ATRNL1: variants seen among roughly 807,000 people sequenced by gnomAD.
ATRNL1 encodes the protein attractin-like protein 1.
In ATRNL1, 95 loss-of-function variants were observed where a neutral mutation model predicts 182.7. That is an observed-to-expected ratio of 0.52 (90% CI 0.44 to 0.62). The LOEUF (loss-of-function observed/expected upper bound fraction) is 0.62, where lower values mean the gene tolerates loss of function less well. Ranked by LOEUF, ATRNL1 falls within the 20% of genes least tolerant of loss-of-function variation. The probability of loss-of-function intolerance (pLI) is 0.00; values close to 1 mark genes in which losing one functional copy is unlikely to be tolerated. For missense variants in ATRNL1, 1,471 were observed against 1,679.5 expected (o/e 0.88, Z 2.17); for synonymous variants, 576 against 568.3 (o/e 1.01, Z -0.19).
chr10:115,487,726 T>C (rs1849092719), intron 24 of ATRNL1, among the ~76,000 whole-genome samples: 2 of 152,134 alleles, frequency 1.3e-5, no homozygotes, highest in Admixed American at 1.3e-4. Context: ...TTTATTTCTT[T>C]CTCTTGCCTG....
chr10:115,353,889 C>T (rs909134247), intron 19 of ATRNL1, among the ~76,000 whole-genome samples: 1 of 152,150 alleles, frequency 6.6e-6, no homozygotes, highest in Non-Finnish European at 1.5e-5. Flanking sequence ...CTCTAACTCC[C>T]TCCTACTTTT....
chr10:115,118,182 T>C (rs1554870530), intron 1 of ATRNL1, among the ~76,000 whole-genome samples: 1 of 152,210 alleles, frequency 6.6e-6, no homozygotes, highest in African/African-American at 2.4e-5. Context: ...TTTCCTTTGC[T>C]GTGCAGAAGT....
At chr10:115,578,403 A>T (rs1054390557) in intron 26 of ATRNL1, among the ~76,000 whole-genome samples, 1 of 151,646 alleles carries the variant, frequency 6.6e-6, no homozygotes, top group African/African-American at 2.4e-5. Context: ...TGCTGTTAGG[A>T]GGATTTTGAT....
intron 19 of ATRNL1, among the ~76,000 whole-genome samples, chr10:115,357,906 C>T (rs1554943243): frequency 6.6e-6 from 1 of 151,452 alleles, no homozygotes; most frequent in Non-Finnish European, 1.5e-5. Flanking sequence ...TCTCTCCATC[C>T]CTATCTTAGT....
intron 26 of ATRNL1, among the ~76,000 whole-genome samples, chr10:115,571,731 T>C (rs544803240): frequency 4.6e-5 from 7 of 152,292 alleles, no homozygotes; most frequent in African/African-American, 1.4e-4. Flanking sequence ...AATTTGCAGC[T>C]ATTACCTTTA....
intron 19 of ATRNL1, among the ~76,000 whole-genome samples, chr10:115,356,475 C>T (rs1384223058): frequency 6.6e-6 from 1 of 151,932 alleles, no homozygotes; most frequent in East Asian, 1.9e-4. Context: ...TTTTTGTTTT[C>T]ATAAAAGGAA....
At chr10:115,294,312 CCCA>C (rs1853070861) in intron 15 of ATRNL1, among the ~76,000 whole-genome samples, 1 of 152,142 alleles carries the variant, frequency 6.6e-6, no homozygotes, top group Non-Finnish European at 1.5e-5. Context: ...ATAGCAAGAT[CCCA>C]TCTCTGTTAA....
intron 18 of ATRNL1, among the ~76,000 whole-genome samples, chr10:115,317,794 G>A (rs1854377626): frequency 6.6e-6 from 1 of 151,990 alleles, no homozygotes; most frequent in Non-Finnish European, 1.5e-5. Context: ...GTAGTTTTTG[G>A]GCTGAAATGA....
At chr10:115,278,245 A>G (rs915635164) in intron 13 of ATRNL1, among the ~76,000 whole-genome samples, 2 of 152,186 alleles carry the variant, frequency 1.3e-5, no homozygotes, top group African/African-American at 4.8e-5. Context: ...AAATTATGTA[A>G]TTTGCACACT....
At chr10:115,384,262 A>G (rs1858204073) in intron 19 of ATRNL1, among the ~76,000 whole-genome samples, 1 of 152,028 alleles carries the variant, frequency 6.6e-6, no homozygotes, top group Admixed American at 6.6e-5. Context: ...ATGTTCTTTA[A>G]AAGTGCCCTT....
chr10:115,287,894 C>T (rs1244183843), intron 15 of ATRNL1, among the ~76,000 whole-genome samples: 2 of 150,458 alleles, frequency 1.3e-5, no homozygotes, highest in African/African-American at 4.9e-5. Flanking sequence ...TAGTACCTCT[C>T]CTCTACATTT....
intron 27 of ATRNL1, among the ~76,000 whole-genome samples, chr10:115,814,482 T>G (rs1158954680): frequency 6.6e-6 from 1 of 152,152 alleles, no homozygotes; most frequent in Admixed American, 6.5e-5. Flanking sequence ...AAGTTTAAAT[T>G]TTGAAAATAA....
chr10:115,372,951 C>A (rs545499658), intron 19 of ATRNL1, among the ~76,000 whole-genome samples: 1 of 152,064 alleles, frequency 6.6e-6, no homozygotes, highest in East Asian at 1.9e-4. Flanking sequence ...CAGTAGATCA[C>A]TTTGCGTAAT....
intron 17 of ATRNL1, among the ~76,000 whole-genome samples, chr10:115,311,677 T>C (rs1806006831): frequency 6.6e-6 from 1 of 152,194 alleles, no homozygotes; most frequent in African/African-American, 2.4e-5. Context: ...GATGACTTTC[T>C]GCTTTGATGA....
intron 11 of ATRNL1, among the ~76,000 whole-genome samples, chr10:115,266,260 T>C (rs1454870827): frequency 6.6e-6 from 1 of 151,760 alleles, no homozygotes; most frequent in Non-Finnish European, 1.5e-5. Context: ...AAAATCTTTT[T>C]GATTATTTTA....
chr10:115,870,266 A>T (rs1209327111), intron 28 of ATRNL1, among the ~76,000 whole-genome samples: 3 of 152,240 alleles, frequency 2.0e-5, no homozygotes, highest in African/African-American at 7.2e-5. Context: ...CAAGGCAGTC[A>T]GATTTTCCAA....
rs1026535111 is a variant in ATRNL1 at position 115,301,996 on chromosome 10, C to T, written c.2771C>T (p.Ser924Phe). The change falls in exon 17 of 29, where the codon TCT (serine) becomes TTT (phenylalanine). Residue 924 changes from serine (S) to phenylalanine (F), a missense_variant. Physicochemically the swap from Ser to Phe is radical, Grantham distance 155. This residue lies in a region of ATRNL1 where 1,031 missense variants were observed against 1,156.0 expected (regional missense o/e 0.89). Transcript: ENST00000355044. ...GTTGACTCTAATGCCTATATCATCTCTTTTCCATATGGACAATGTCTAGAG... is the reference window on the plus strand; with the variant it reads ...GTTGACTCTAATGCCTATATCATCTTTTTTCCATATGGACAATGTCTAGAG... The part of the protein sequence containing the change: ...RCVDSNAYII[S>F]FPYGQCLEWQ... 6.2e-7 allele frequency: 1 copy of T among 1,614,042 alleles called. No individual in the cohort carries two copies. Among genetic ancestry groups the T allele is most frequent in the African/African-American group, 1.3e-5 (1 of 75,056 alleles).
At chr10:115,168,651 A>G (rs1847154927) in intron 7 of ATRNL1, among the ~76,000 whole-genome samples, 1 of 152,010 alleles carries the variant, frequency 6.6e-6, no homozygotes, top group Non-Finnish European at 1.5e-5. Flanking sequence ...CTTATTTTAA[A>G]ATTAAGTTGT....
chr10:115,374,426 ATTCTCC>A (rs556545354), intron 19 of ATRNL1, among the ~76,000 whole-genome samples: 54 of 138,104 alleles, frequency 3.9e-4, no homozygotes, highest in African/African-American at 1.3e-3. Context: ...TTTCCTTCTC[ATTCTCC>A]TTCTCCTTCT....
Sources: allele counts gnomAD v4.1 joint callset (sites outside exome capture counted in the v4.1 genomes callset), GRCh38; gene constraint gnomAD v4.1.1; regional missense constraint gnomAD v4.1.1; transcripts MANE v1.5; gene names NCBI Gene and HGNC (gene_info 2026-07-23, HGNC 2026-07-21).